KLF12: variants seen among roughly 807,000 people sequenced by gnomAD.
KLF12 encodes KLF transcription factor 12, also known as Krueppel-like factor 12.
KLF12 carries 9 observed loss-of-function variants against 37.8 expected under a neutral mutation model. The observed-to-expected ratio is 0.24, with a 90% CI of 0.14 to 0.42. KLF12 has a LOEUF of 0.42. Ranked by LOEUF, KLF12 falls within the 10% of genes least tolerant of loss-of-function variation. The probability of loss-of-function intolerance (pLI) is 1.00; values close to 1 mark genes in which losing one functional copy is unlikely to be tolerated. For synonymous variants in KLF12, 208 were observed against 202.1 expected (o/e 1.03, Z -0.25); for missense variants, 411 against 516.0 (o/e 0.80, Z 1.97).
At chr13:73,992,916 T>C (rs1037062009) in intron 2 of KLF12, among the ~76,000 whole-genome samples, 3 of 152,168 alleles carry the variant, frequency 2.0e-5, no homozygotes, top group African/African-American at 7.2e-5. Context: ...GGATAAAATG[T>C]ATGAAAAATC....
chr13:74,029,959 T>C (rs1010270439), intron 1 of KLF12, among the ~76,000 whole-genome samples: 1 of 152,104 alleles, frequency 6.6e-6, no homozygotes, highest in African/African-American at 2.4e-5. Context: ...ACTCCACAGA[T>C]GCCTCTAAAT....
chr13:74,137,654 AC>A (rs1375119474), upstream of KLF12, among the ~76,000 whole-genome samples: 3 of 152,232 alleles, frequency 2.0e-5, no homozygotes, highest in African/African-American at 7.2e-5. Flanking sequence ...AGTAAGTGTT[AC>A]CTGCCCACAA....
intron 7 of KLF12, among the ~76,000 whole-genome samples, chr13:73,705,743 A>G (rs1440363288): frequency 1.3e-5 from 2 of 152,240 alleles, no homozygotes; most frequent in Non-Finnish European, 2.9e-5. Flanking sequence ...GAGAGAAAGT[A>G]GAAAGACTGA....
At chr13:73,811,216 C>T (rs1387736725) in intron 5 of KLF12, among the ~76,000 whole-genome samples, 1 of 151,986 alleles carries the variant, frequency 6.6e-6, no homozygotes, top group Admixed American at 6.5e-5. Context: ...GAACTCCTGA[C>T]ATCATGATCA....
At chr13:74,188,460 T>C in the KLF12 span, among the ~76,000 whole-genome samples, 1 of 152,190 alleles carries the variant, frequency 6.6e-6, no homozygotes. Context: ...AAGTCCCTTA[T>C]CTTTACTCAG....
intron 1 of KLF12, among the ~76,000 whole-genome samples, chr13:74,070,448 C>T (rs1271287375): frequency 2.6e-5 from 4 of 152,128 alleles, no homozygotes; most frequent in Non-Finnish European, 5.9e-5. Flanking sequence ...CCAAAGAGGG[C>T]AAGAGTCTTT....
the KLF12 span, among the ~76,000 whole-genome samples, chr13:74,196,641 C>T: frequency 7.2e-5 from 11 of 152,230 alleles, no homozygotes; most frequent in Admixed American, 3.3e-4. Flanking sequence ...CCACTGGCTT[C>T]GTTAGCCTGA....
chr13:73,898,527 C>A (rs534248866), intron 3 of KLF12, among the ~76,000 whole-genome samples: 269 of 152,222 alleles, frequency 1.8e-3, no homozygotes, highest in African/African-American at 6.2e-3. Context: ...CTACTTACAA[C>A]CTTCATCCAA....
At chr13:73,811,925 C>T (rs1164371143) in intron 5 of KLF12, among the ~76,000 whole-genome samples, 1 of 152,126 alleles carries the variant, frequency 6.6e-6, no homozygotes, top group Non-Finnish European at 1.5e-5. Flanking sequence ...CCAAGGCTCT[C>T]TTTTCTTTGT....
At chr13:73,966,205 A>C (rs1891167801) in intron 2 of KLF12, among the ~76,000 whole-genome samples, 1 of 152,200 alleles carries the variant, frequency 6.6e-6, no homozygotes, top group African/African-American at 2.4e-5. Context: ...CCAATATATA[A>C]TACAAGCTTG....
chr13:74,248,089 A>G, the KLF12 span, among the ~76,000 whole-genome samples: 1 of 152,074 alleles, frequency 6.6e-6, no homozygotes, highest in Non-Finnish European at 1.5e-5. Flanking sequence ...GTGGCTTTTT[A>G]TATTGGGGAG....
At chr13:73,894,639 G>C (rs1887673033) in intron 3 of KLF12, among the ~76,000 whole-genome samples, 1 of 152,066 alleles carries the variant, frequency 6.6e-6, no homozygotes. Flanking sequence ...CTAATAAAAT[G>C]TTCATTTCAT....
At chr13:74,016,360 GGTTT>G (rs1566505321) in intron 1 of KLF12, among the ~76,000 whole-genome samples, 2 of 151,954 alleles carry the variant, frequency 1.3e-5, no homozygotes, top group Non-Finnish European at 2.9e-5. Context: ...TTCCAGATTT[GGTTT>G]GTTTGTTTTT....
At chr13:74,213,433 G>A in the KLF12 span, among the ~76,000 whole-genome samples, 19 of 151,858 alleles carry the variant, frequency 1.3e-4, no homozygotes, top group Admixed American at 1.2e-3. Flanking sequence ...TTTGCTTTGG[G>A]CTTTTTTCCT....
At chr13:74,142,052 T>C in the KLF12 span, among the ~76,000 whole-genome samples, 20 of 152,334 alleles carry the variant, frequency 1.3e-4, no homozygotes, top group African/African-American at 4.8e-4. Flanking sequence ...AACTACAAAA[T>C]AGATTGATGT....
the KLF12 span, among the ~76,000 whole-genome samples, chr13:74,281,274 C>T: frequency 0.035 from 5,357 of 152,058 alleles, 307 homozygotes; most frequent in African/African-American, 0.12. Flanking sequence ...ATTGGCCTTC[C>T]CTGCTGGGAT....
chr13:74,142,935 C>G, the KLF12 span, among the ~76,000 whole-genome samples: 1 of 152,134 alleles, frequency 6.6e-6, no homozygotes, highest in East Asian at 1.9e-4. Flanking sequence ...TGAATCATCT[C>G]TGTGTCCTAA....
chr13:73,938,932 T>C (rs1428840542), intron 3 of KLF12, among the ~76,000 whole-genome samples: 2 of 152,224 alleles, frequency 1.3e-5, no homozygotes, highest in African/African-American at 2.4e-5. Flanking sequence ...CAAAGAGGCA[T>C]CAGGCTCGCT....
the KLF12 span, among the ~76,000 whole-genome samples, chr13:74,218,944 A>G: frequency 7.3e-6 from 1 of 136,670 alleles, no homozygotes; most frequent in Non-Finnish European, 1.6e-5. Context: ...TTCTGGATGT[A>G]AACTTATAAA....
Sources: allele counts gnomAD v4.1 joint callset (sites outside exome capture counted in the v4.1 genomes callset), GRCh38; gene constraint gnomAD v4.1.1; transcripts MANE v1.5; gene names NCBI Gene and HGNC (gene_info 2026-07-23, HGNC 2026-07-21).